The following LRCH1 variants were observed in gnomAD, a reference collection of about 807,000 sequenced individuals.
LRCH1 encodes the protein leucine-rich repeat and calponin homology domain-containing protein 1.
Under a neutral mutation model 94.9 loss-of-function variants are expected in LRCH1, and 23 were observed. That is an observed-to-expected ratio of 0.24 (90% CI 0.17 to 0.34). The LOEUF (loss-of-function observed/expected upper bound fraction) is 0.34, where lower values mean the gene tolerates loss of function less well. Among genes scored for constraint, LRCH1 ranks in the 10% least tolerant of loss-of-function variants. LRCH1 has a pLI of 1.00. For missense variants in LRCH1, 790 were observed against 945.9 expected, an observed-to-expected ratio of 0.84 and a Z score of 2.16; for synonymous variants, 364 against 354.9, an observed-to-expected ratio of 1.03 and a Z score of -0.29.
At chr13:46,626,620 C>T (rs2050953757) in intron 1 of LRCH1, among the ~76,000 whole-genome samples, 2 of 152,220 alleles carry the variant, frequency 1.3e-5, no homozygotes, top group Admixed American at 1.3e-4. Context: ...TCTTTTCGGA[C>T]TCAGCCCACC....
At chr13:46,713,308 T>G (rs1445078995) in intron 15 of LRCH1, among the ~76,000 whole-genome samples, 1 of 152,236 alleles carries the variant, frequency 6.6e-6, no homozygotes. Context: ...GACTCTTTGG[T>G]ATTTAGTCTA....
chr13:46,657,521 T>C (rs2051389717), intron 2 of LRCH1, among the ~76,000 whole-genome samples: 1 of 62,946 alleles, frequency 1.6e-5, no homozygotes, highest in Non-Finnish European at 3.2e-5. Flanking sequence ...TTTTTTTTTT[T>C]TTTTTTTTTT....
At chr13:46,700,090 C>T (rs9595515) in intron 10 of LRCH1, among the ~76,000 whole-genome samples, 2,163 of 152,214 alleles carry the variant, frequency 0.014, 39 homozygotes, top group African/African-American at 0.049. Flanking sequence ...GCAAGATTTA[C>T]AGGGGAGGGG....
intron 8 of LRCH1, 83 bp downstream of exon 8, chr13:46,692,724 A>G (rs1870967883): frequency 2.0e-6 from 2 of 992,442 alleles, no homozygotes; most frequent in Admixed American, 3.9e-5. Context: ...CAGATAGGGC[A>G]GTGATAATCT....
intron 1 of LRCH1, among the ~76,000 whole-genome samples, chr13:46,554,121 G>A (rs2050035932): frequency 6.6e-6 from 1 of 152,266 alleles, no homozygotes; most frequent in African/African-American, 2.4e-5. Context: ...CGCGGACAGC[G>A]GCGTCGGCGC....
chr13:46,735,839 CAG>C lies in LRCH1; in HGVS notation c.2085+1843_2085+1844del, dbSNP rs1176227878. Among the ~76,000 whole-genome samples the C allele has an allele frequency of 2.0e-4, 28 of 139,658 alleles. No homozygotes were observed. The East Asian group carries it at 5.7e-3, about 29-fold the overall frequency. The allele number at this position is 139,658 out of a possible 152,430, so 91.6% of individuals were successfully genotyped here. A position where few individuals can be genotyped will look rare whatever the true frequency, so the allele number is the denominator to read the frequency against. On this transcript the variant is annotated intron_variant, in intron 19 of 19. Coordinates refer to ENST00000389797, the MANE Select transcript of LRCH1 (RefSeq NM_001164211.2). ...ATGGAGTCCCACTCTGTCACCTGGC[CAG>C]ACTGGAGTGCAGTGGCACGATCTCA...
intron 9 of LRCH1, 109 bp downstream of exon 9, chr13:46,695,126 G>A: frequency 7.4e-7 from 1 of 1,347,168 alleles, no homozygotes; most frequent in Non-Finnish European, 1.0e-6. Context: ...CCAGCTTGCT[G>A]CACCCTCCCT....
rs966863139 is a variant in LRCH1, at chr13:46,744,520, G to A, written c.*2672G>A. The A allele has an allele frequency of 4.1e-6, 4 of 985,188 alleles. No individual in the cohort carries two copies. The highest frequency in any genetic ancestry group is 4.8e-6 in the Non-Finnish European group (4 of 829,924). The allele number at this position is 985,188 out of a possible 1,614,324, so 61.0% of individuals were successfully genotyped here. ...TTTAGGGAGAGACACTTATGAAATG[G>A]GGCTGGTGGAAAGGGGCCCCGCAGA... On this transcript the variant is annotated 3_prime_UTR_variant, in exon 20 of 20. Coordinates refer to ENST00000389797, the MANE Select transcript of LRCH1 (RefSeq NM_001164211.2).
intron 1 of LRCH1, among the ~76,000 whole-genome samples, chr13:46,596,278 C>A (rs919758113): frequency 6.6e-6 from 1 of 152,090 alleles, no homozygotes. Flanking sequence ...TAATGAACAC[C>A]GAGGAAAGCT....
At chr13:46,671,828 C>T (rs1417029275) in intron 3 of LRCH1, among the ~76,000 whole-genome samples, 1 of 152,202 alleles carries the variant, frequency 6.6e-6, no homozygotes, top group Non-Finnish European at 1.5e-5. Context: ...ATCCCACATA[C>T]CCTCTACTCC....
chr13:46,638,311 CT>C (rs1220189222), intron 1 of LRCH1, among the ~76,000 whole-genome samples: 1 of 152,110 alleles, frequency 6.6e-6, no homozygotes, highest in Non-Finnish European at 1.5e-5. Context: ...TTGAGGGTTA[CT>C]TTTTTTGGAT....
chr13:46,659,141 T>A (rs111237335), intron 2 of LRCH1, among the ~76,000 whole-genome samples: 64 of 152,316 alleles, frequency 4.2e-4, no homozygotes, highest in Middle Eastern at 3.4e-3. Context: ...ACAATTTTTT[T>A]TCTGATACTC....
intron 2 of LRCH1, among the ~76,000 whole-genome samples, chr13:46,657,410 C>T (rs1173906087): frequency 7.1e-6 from 1 of 141,294 alleles, no homozygotes; most frequent in Non-Finnish European, 1.5e-5. Flanking sequence ...TTAAAACATA[C>T]ATATATGAAA....
intron 2 of LRCH1, among the ~76,000 whole-genome samples, chr13:46,666,365 T>G (rs2051516144): frequency 6.6e-6 from 1 of 152,210 alleles, no homozygotes; most frequent in Non-Finnish European, 1.5e-5. Context: ...TACTCACGCA[T>G]CTGAATGAGC....
Position 46,742,977 on chromosome 13 carries a change from C to T in LRCH1, c.*1129C>T, listed in dbSNP as rs12184713. The T allele has an allele frequency of 2.3e-3, 2,261 of 985,342 alleles. 34 individuals are homozygous for T. The African/African-American group carries it at 0.035, about 15-fold the overall frequency. 61.0% of individuals were successfully genotyped at this position (985,342 alleles called of 1,614,324 possible). On this transcript the variant is annotated 3_prime_UTR_variant, in exon 20 of 20. Transcript: ENST00000389797. ...ATATCTGCATTTGGAGCAATGTGAT[C>T]AGTTTGCATTTAAAAGGAAAAAAAA...
rs549909702 is a variant in LRCH1 at position 46,694,799 on chromosome 13, A to G, written c.1121-94A>G. ...ACCTTCTTCATAGGGAACACAGAAG[A>G]CTTGAAGTGATTAGATCATATTTGA... On this transcript the variant is annotated intron_variant, in intron 8 of 19. Transcript: ENST00000389797. 21 of 1,366,146 alleles carry G rather than the reference A, an allele frequency of 1.5e-5. No homozygotes were observed. In the African/African-American group the frequency reaches 3.0e-4, roughly 20 times the overall value. 84.6% of individuals were successfully genotyped at this position (1,366,146 alleles called of 1,614,324 possible).
At position 46,655,655 on chromosome 13, in the gene LRCH1, G is replaced by A. The variant is rs536912680; in HGVS notation, c.452+5310G>A. ...TTAAAATCTATTTTAAGATGCTAGA[G>A]AGTTTGTTGTTGATGAGCCTCATGA... On this transcript the variant is annotated intron_variant, in intron 2 of 19. Coordinates refer to ENST00000389797, the MANE Select transcript of LRCH1 (RefSeq NM_001164211.2). 3.9e-5 allele frequency among the ~76,000 whole-genome samples: 6 copies of A among 152,308 alleles called. No homozygotes were observed. In the South Asian group the frequency reaches 1.2e-3, roughly 32 times the overall value.
At chr13:46,745,599 A>C (rs1468680378), downstream of LRCH1, among the ~76,000 whole-genome samples, 1 of 152,132 alleles carries the variant, frequency 6.6e-6, no homozygotes, top group Non-Finnish European at 1.5e-5. Context: ...TAATCCAGGG[A>C]GGAGCAACAA....
chr13:46,676,898 C>T (rs1430282992), intron 3 of LRCH1, among the ~76,000 whole-genome samples: 2 of 152,176 alleles, frequency 1.3e-5, no homozygotes, highest in Non-Finnish European at 2.9e-5. Context: ...CCACCTTAGC[C>T]TCCCGAGTAG....
Sources: gnomAD v4.1 joint callset for allele counts (sites outside exome capture counted in the v4.1 genomes callset) on GRCh38, gnomAD v4.1.1 for gene constraint, MANE v1.5 for transcripts, NCBI Gene and HGNC (gene_info 2026-07-23, HGNC 2026-07-21) for gene names.